The following ATM variants were observed in gnomAD, a reference collection of about 807,000 sequenced individuals.
The protein encoded by ATM is ATM serine/threonine kinase.
A neutral mutation model predicts 387.0 loss-of-function variants in ATM; 308 were observed. The observed-to-expected ratio is 0.80, with a 90% confidence interval of 0.73 to 0.87. ATM has a LOEUF of 0.87. Among genes scored for constraint, ATM ranks in the 40% least tolerant of loss-of-function variants. ATM has a pLI of 0.00. For synonymous variants in ATM, 1,156 were observed against 1,187.3 expected, an observed-to-expected ratio of 0.97 and a Z score of 0.54; for missense variants, 3,312 against 3,560.9, an observed-to-expected ratio of 0.93 and a Z score of 1.78.
intron 12 of ATM, 70 bp from the exon 13 acceptor site, chr11:108,253,744 T>C: frequency 1.8e-6 from 2 of 1,099,742 alleles, no homozygotes; most frequent in Middle Eastern, 2.4e-4. Flanking sequence ...CTTTGTAATA[T>C]ATTGCTAATA....
intron 51 of ATM, 125 bp downstream of exon 51, chr11:108,331,682 CTCACA>C (rs2086252545): frequency 1.5e-6 from 2 of 1,354,626 alleles, no homozygotes; most frequent in Non-Finnish European, 2.0e-6. Flanking sequence ...TTTTTGTCTT[CTCACA>C]TCACATAAGT....
intron 22 of ATM, among the ~76,000 whole-genome samples, chr11:108,277,399 G>A (rs948326669): frequency 4.6e-5 from 7 of 152,112 alleles, no homozygotes; most frequent in Admixed American, 4.6e-4. Context: ...GGCGTTCCAG[G>A]TGCCACTGGG....
At chr11:108,348,629 T>C (rs1284858170) in intron 59 of ATM, among the ~76,000 whole-genome samples, 1 of 151,794 alleles carries the variant, frequency 6.6e-6, no homozygotes, top group African/African-American at 2.4e-5. Flanking sequence ...TAAACAGTAT[T>C]AATCACTAGG....
intron 54 of ATM, 85 bp from the exon 55 acceptor site, chr11:108,334,884 T>C (rs1268038951): frequency 1.4e-6 from 2 of 1,467,122 alleles, no homozygotes; most frequent in East Asian, 4.6e-5. Context: ...CTGTTTAATA[T>C]TAAAATTGCC....
At position 108,315,763 on chromosome 11, in the gene ATM, G is replaced by A. The variant is rs1361776749; in HGVS notation, c.6007-60G>A. The A allele has an allele frequency of 3.7e-6, 5 of 1,343,452 alleles. No homozygotes were observed. In the South Asian group the frequency reaches 4.8e-5, roughly 13 times the overall value. The allele number at this position is 1,343,452 out of a possible 1,614,324, so 83.2% of individuals were successfully genotyped here. ...TTGGTAATGATACAATTTAAAATTT[G>A]CTAAATTTATAGACCGATTTTTTTT... On this transcript the variant is annotated intron_variant, in intron 40 of 62. Transcript: ENST00000675843.
intron 8 of ATM, among the ~76,000 whole-genome samples, chr11:108,247,660 A>G (rs528210796): frequency 3.9e-5 from 6 of 152,244 alleles, no homozygotes; most frequent in Non-Finnish European, 7.4e-5. Flanking sequence ...CAGTGGCACA[A>G]TCTCCGCTCA....
intron 4 of ATM, chr11:108,230,978 A>G (rs2078982199): frequency 6.6e-6 from 1 of 152,336 alleles, no homozygotes; most frequent in African/African-American, 2.4e-5. Flanking sequence ...CTGGGATTAC[A>G]AGCGTGAGCC....
chr11:108,366,234 T>G lies in ATM; in HGVS notation c.*726T>G, dbSNP rs1212141404. The G allele has an allele frequency of 5.1e-6, 1 of 197,712 alleles. No individual in the cohort carries two copies. Among genetic ancestry groups the G allele is most frequent in the Non-Finnish European group, 1.0e-5 (1 of 95,502 alleles). 12.2% of individuals were successfully genotyped at this position (197,712 alleles called of 1,614,324 possible). On this transcript the variant is annotated 3_prime_UTR_variant, in exon 63 of 63. Transcript: ENST00000675843. ...CTGTACTGTCCATGTATGTTATCTT[T>G]CTGTGATAACTTCATAGATTGCCTT... is the stretch of plus-strand genomic sequence containing the variant.
At chr11:108,331,617 T>C in intron 51 of ATM, 60 bp downstream of exon 51, 1 of 1,401,388 alleles carries the variant, frequency 7.1e-7, no homozygotes, top group Admixed American at 2.7e-5. Flanking sequence ...TACTATATAT[T>C]ATATAAAGTA....
rs35850088 is a variant in ATM, at chr11:108,304,728, A to G, written c.5550A>G (p.Leu1850=). Residue 1850 remains leucine (L), a synonymous_variant, in exon 37 of 63, where the codon TTA becomes TTG. Transcript: ENST00000675843. ...TTCCATACTTGATTCATGATATTTTACTCCAAGATACAAATGAATCATGGA... is the reference window on the plus strand; with the variant it reads ...TTCCATACTTGATTCATGATATTTTGCTCCAAGATACAAATGAATCATGGA... The part of the protein sequence containing the change: ...TVLPYLIHDI[L]LQDTNESWRN... 33 of 1,613,756 alleles carry G rather than the reference A, an allele frequency of 2.0e-5. No homozygotes were observed. The highest frequency in any genetic ancestry group is 2.8e-5 in the Non-Finnish European group (33 of 1,179,932).
In ATM at chr11:108,366,902, G is replaced by A. The variant is rs1050783054; in HGVS notation, c.*1394G>A. ...CTTTGCTCCCCATATAGATGTCTAA[G>A]CTAAAAGCCGTGGGTTAATGAGACT... On this transcript the variant is annotated 3_prime_UTR_variant, in exon 63 of 63. Coordinates refer to ENST00000675843, the MANE Select transcript of ATM (RefSeq NM_000051.4). The A allele has an allele frequency of 4.4e-6, 1 of 226,974 alleles. No homozygotes were observed. The highest frequency in any genetic ancestry group is 2.2e-5 in the African/African-American group (1 of 44,972). 14.1% of individuals were successfully genotyped at this position (226,974 alleles called of 1,614,324 possible). A position where few individuals can be genotyped will look rare whatever the true frequency, so the allele number is the denominator to read the frequency against.
chr11:108,347,477 T>A, intron 59 of ATM, 112 bp downstream of exon 59: 1 of 899,976 alleles, frequency 1.1e-6, no homozygotes, highest in Non-Finnish European at 1.7e-6. Context: ...ATTGAAGCAG[T>A]AAATATTGGG....
intron 8 of ATM, among the ~76,000 whole-genome samples, chr11:108,248,090 A>G (rs138160351): frequency 1.3e-5 from 2 of 152,224 alleles, no homozygotes; most frequent in East Asian, 3.9e-4. Flanking sequence ...ACTAAGCATA[A>G]TGTTTTCAAA....
At position 108,271,299 on chromosome 11, in the gene ATM, T is replaced by C. The variant is rs2081569239; in HGVS notation, c.2970T>C (p.Ile990=). ...GTGACCAAGATGTTTGTAAAACTAT[T>C]TTAAACCATGTCCTTCATGTAGTGA... is the stretch of plus-strand genomic sequence containing the variant. ...YRRDQDVCKT[I]LNHVLHVVKN... Residue 990 remains isoleucine, a synonymous_variant, in exon 20 of 63, where the codon ATT becomes ATC. Transcript: ENST00000675843. 2 of 1,614,000 alleles carry C rather than the reference T, an allele frequency of 1.2e-6. No homozygotes were observed. Among genetic ancestry groups the C allele is most frequent in the African/African-American group, 1.3e-5 (1 of 74,926 alleles).
Position 108,253,965 on chromosome 11 carries a change from C to G in ATM, c.2050C>G (p.Gln684Glu), listed in dbSNP as rs1060501691. 6.2e-7 allele frequency: 1 copy of G among 1,613,920 alleles called. No individual in the cohort carries two copies. Among genetic ancestry groups the G allele is most frequent in the Non-Finnish European group, 8.5e-7 (1 of 1,179,972 alleles). The change falls in exon 13 of 63, where the codon CAG (glutamine) becomes GAG (glutamate). Residue 684 changes from glutamine (Q) to glutamate (E), a missense_variant. This residue lies in a region of ATM where 1,791 missense variants were observed against 1,804.5 expected (regional missense o/e 0.99). Coordinates refer to ENST00000675843, the MANE Select transcript of ATM (RefSeq NM_000051.4). ...GTCCAGTATTGGCTTCTCTGTCCACCAGAATCTCAAGGAATCACTGGATCG... is the reference window on the plus strand; with the variant it reads ...GTCCAGTATTGGCTTCTCTGTCCACGAGAATCTCAAGGAATCACTGGATCG... ...HQSSIGFSVH[Q>E]NLKESLDRCL...
At chr11:108,343,631 G>T (rs773508353) in intron 57 of ATM, among the ~76,000 whole-genome samples, 3 of 152,056 alleles carry the variant, frequency 2.0e-5, no homozygotes, top group Non-Finnish European at 4.4e-5. Flanking sequence ...TTCAATTTGG[G>T]ATAAACTAAT....
intron 27 of ATM, among the ~76,000 whole-genome samples, 193 bp downstream of exon 27, chr11:108,287,908 C>T (rs1024381383): frequency 6.6e-6 from 1 of 152,134 alleles, no homozygotes; most frequent in Non-Finnish European, 1.5e-5. Context: ...ACAGTAATTA[C>T]TCTTTCTAAA....
At chr11:108,265,267 A>G (rs1404583739) in intron 16 of ATM, among the ~76,000 whole-genome samples, 4 of 151,996 alleles carry the variant, frequency 2.6e-5, no homozygotes, top group African/African-American at 4.8e-5. Flanking sequence ...ACAGCATGGT[A>G]CTGGTACCAA....
In ATM at chr11:108,327,785, A is replaced by ATAGT. The variant is rs1565524280; in HGVS notation, c.7089+30_7089+33dup. On this transcript the variant is annotated intron_variant, in intron 48 of 62. Coordinates refer to ENST00000675843, the MANE Select transcript of ATM (RefSeq NM_000051.4). ...TAAGATTTTTGGAGCAACCCTTAAG[A>ATAGT]TAGTTACTTAGCATGAATATGCTTC... The ATAGT allele has an allele frequency of 2.0e-6, 3 of 1,503,504 alleles. No homozygotes were observed. In the South Asian group the frequency reaches 3.4e-5, roughly 17 times the overall value. 93.1% of individuals were successfully genotyped at this position (1,503,504 alleles called of 1,614,324 possible).
Sources: allele counts gnomAD v4.1 joint callset (sites outside exome capture counted in the v4.1 genomes callset), GRCh38; gene constraint gnomAD v4.1.1; regional missense constraint gnomAD v4.1.1; transcripts MANE v1.5; gene names NCBI Gene and HGNC (gene_info 2026-07-23, HGNC 2026-07-21).